Variants in ANO10 observed in about 807,000 individuals in gnomAD.
ANO10 encodes anoctamin 10.
ANO10 carries 77 observed loss-of-function variants against 74.7 expected under a neutral mutation model. The observed-to-expected ratio is 1.03, with a 90% confidence interval of 0.86 to 1.25. The LOEUF is 1.25. Ranked by LOEUF, ANO10 falls within the 50% of genes most tolerant of loss-of-function variation. The pLI, the probability that ANO10 is intolerant of heterozygous loss-of-function variation, is 0.00. For missense variants in ANO10, 721 were observed against 778.1 expected (o/e 0.93, Z 0.87); for synonymous variants, 279 against 284.9 (o/e 0.98, Z 0.21).
At chr3:43,670,043 A>T (rs1336563022) in intron 1 of ANO10, among the ~76,000 whole-genome samples, 1 of 152,036 alleles carries the variant, frequency 6.6e-6, no homozygotes, top group Admixed American at 6.5e-5. Flanking sequence ...ATTTTTAAAT[A>T]AAATTCTATG....
At chr3:43,686,217 A>C (rs961741982) in intron 1 of ANO10, among the ~76,000 whole-genome samples, 2 of 152,040 alleles carry the variant, frequency 1.3e-5, no homozygotes, top group Non-Finnish European at 2.9e-5. Context: ...CCCACCCCAT[A>C]CACACCTTAA....
At chr3:43,380,125 C>T (rs1343561655) in intron 12 of ANO10, among the ~76,000 whole-genome samples, 1 of 151,966 alleles carries the variant, frequency 6.6e-6, no homozygotes, top group Non-Finnish European at 1.5e-5. Flanking sequence ...AAATTAACCC[C>T]ATCTGACAAA....
chr3:43,677,259 A>G (rs2084135095), intron 1 of ANO10, among the ~76,000 whole-genome samples: 1 of 152,174 alleles, frequency 6.6e-6, no homozygotes. Flanking sequence ...CAAATACTGC[A>G]TGTTCCCACT....
At chr3:43,591,973 C>G (rs2081792096) in intron 4 of ANO10, among the ~76,000 whole-genome samples, 1 of 152,242 alleles carries the variant, frequency 6.6e-6, no homozygotes, top group African/African-American at 2.4e-5. Context: ...CTCAGAGGGT[C>G]CCACGCCCAC....
chr3:43,492,662 T>C (rs1339490589), intron 11 of ANO10, among the ~76,000 whole-genome samples: 1 of 152,230 alleles, frequency 6.6e-6, no homozygotes, highest in Non-Finnish European at 1.5e-5. Flanking sequence ...AAGACATTTA[T>C]GCGGTGAACA....
At chr3:43,587,044 A>G (rs1192994782) in intron 4 of ANO10, among the ~76,000 whole-genome samples, 6 of 152,214 alleles carry the variant, frequency 3.9e-5, no homozygotes, top group African/African-American at 7.2e-5. Flanking sequence ...TAACTGAAGA[A>G]ATTTTTCCTG....
chr3:43,634,795 G>T lies in ANO10; in HGVS notation c.-11-28932C>A, dbSNP rs1309396534. 2.0e-5 allele frequency among the ~76,000 whole-genome samples: 3 copies of T among 152,178 alleles called. No homozygotes were observed. In the East Asian group the frequency reaches 5.8e-4, roughly 29 times the overall value. The stretch of plus-strand genomic sequence containing the variant: ...CACACATAAATATAAGATAAAGAAT[G>T]ATTAGCACAGGCAATCAGAGGAGGG... On this transcript the variant is annotated intron_variant, in intron 1 of 3. Coordinates refer to the ANO10 transcript ENST00000413397.
intron 12 of ANO10, chr3:43,372,751 A>G: frequency 8.6e-7 from 1 of 1,166,730 alleles, no homozygotes; most frequent in Non-Finnish European, 1.2e-6. Context: ...TCCAGAGAGC[A>G]GGGCCATGAC....
chr3:43,616,441 T>G (rs1347798413), intron 1 of ANO10, among the ~76,000 whole-genome samples: 1 of 152,232 alleles, frequency 6.6e-6, no homozygotes, highest in Non-Finnish European at 1.5e-5. Context: ...AACACTAGCC[T>G]TGCTACAATC....
chr3:43,466,384 A>AAAAAC (rs559287557), intron 11 of ANO10, among the ~76,000 whole-genome samples: 31 of 37,992 alleles, frequency 8.2e-4, no homozygotes, highest in Non-Finnish European at 1.4e-3. Context: ...AAAAAAAAAA[A>AAAAAC]AAACAAACAA....
Position 43,600,504 on chromosome 3 carries a change from C to T in ANO10, c.217G>A (p.Gly73Ser), listed in dbSNP as rs1459703958. Reference sequence around the variant, plus strand: ...AGTAACATTCTAATCTTGGAGGCACCAACAAGATATAAGTTCTGATTTTCT... The same window carrying T: ...AGTAACATTCTAATCTTGGAGGCACTAACAAGATATAAGTTCTGATTTTCT... ...TLENQNLYLV[G>S]ASKIRMLLGA... is the part of the protein sequence containing the mutation. Residue 73 changes from glycine to serine, a missense_variant, in exon 3 of 13, where the codon GGT becomes AGT. Gly to Ser is a moderately conservative substitution (Grantham distance 56). Coordinates refer to ENST00000292246, the MANE Select transcript of ANO10 (RefSeq NM_018075.5). 3 of 1,613,936 alleles carry T rather than the reference C, an allele frequency of 1.9e-6. No homozygotes were observed.
chr3:43,489,687 A>G (rs1369041523), intron 11 of ANO10, among the ~76,000 whole-genome samples: 1 of 152,204 alleles, frequency 6.6e-6, no homozygotes, highest in Non-Finnish European at 1.5e-5. Context: ...TCAGGTGCTC[A>G]GAACATATAG....
chr3:43,556,975 G>T (rs1332005506), intron 9 of ANO10, among the ~76,000 whole-genome samples: 1 of 151,896 alleles, frequency 6.6e-6, no homozygotes, highest in Non-Finnish European at 1.5e-5. Flanking sequence ...AAAATGTTTT[G>T]GAAATAACAG....
At chr3:43,657,902 G>T (rs1438980078) in intron 1 of ANO10, among the ~76,000 whole-genome samples, 3 of 152,146 alleles carry the variant, frequency 2.0e-5, no homozygotes, top group Non-Finnish European at 2.9e-5. Flanking sequence ...AAAACTTAAA[G>T]ATCTCAAAAA....
At chr3:43,470,643 T>TATTG (rs1385392173) in intron 11 of ANO10, among the ~76,000 whole-genome samples, 1 of 151,786 alleles carries the variant, frequency 6.6e-6, no homozygotes, top group South Asian at 2.1e-4. Context: ...TTTATTTATT[T>TATTG]TGAGGCAGAG....
intron 8 of ANO10, 72 bp downstream of exon 8, chr3:43,565,581 T>A (rs1244867645): frequency 1.8e-6 from 2 of 1,120,408 alleles, no homozygotes; most frequent in Non-Finnish European, 2.6e-6. Context: ...TTGAAGGCAA[T>A]TACAGCATCT....
chr3:43,478,531 G>A (rs2076157341), intron 11 of ANO10, among the ~76,000 whole-genome samples: 1 of 152,194 alleles, frequency 6.6e-6, no homozygotes. Flanking sequence ...GTGACTATGT[G>A]TGAGTGAGAA....
intron 1 of ANO10, among the ~76,000 whole-genome samples, chr3:43,631,624 A>T (rs1418980471): frequency 6.6e-6 from 1 of 151,930 alleles, no homozygotes; most frequent in Non-Finnish European, 1.5e-5. Context: ...TTCTCATTGT[A>T]TGAGAGGGAC....
At chr3:43,554,392 C>T (rs2079635886) in intron 10 of ANO10, among the ~76,000 whole-genome samples, 1 of 151,888 alleles carries the variant, frequency 6.6e-6, no homozygotes, top group South Asian at 2.1e-4. Context: ...GGGGTTTCAC[C>T]ATGTTGGCCA....
Sources: allele counts gnomAD v4.1 joint callset (sites outside exome capture counted in the v4.1 genomes callset), GRCh38; gene constraint gnomAD v4.1.1; transcripts MANE v1.5; gene names NCBI Gene and HGNC (gene_info 2026-07-23, HGNC 2026-07-21).